FRMD5: variants seen among roughly 807,000 people sequenced by gnomAD.
FRMD5 encodes FERM domain-containing protein 5.
Under a neutral mutation model 69.0 loss-of-function variants are expected in FRMD5, and 20 were observed. The observed-to-expected ratio is 0.29, with a 90% CI of 0.20 to 0.42. The LOEUF (loss-of-function observed/expected upper bound fraction) is 0.42. FRMD5 is among the 10% of genes least tolerant of loss of function. The pLI, the probability that FRMD5 is intolerant of heterozygous loss-of-function variation, is 1.00. For missense variants in FRMD5, 595 were observed against 708.6 expected (o/e 0.84, Z 1.82); for synonymous variants, 271 against 260.1 (o/e 1.04, Z -0.40).
chr15:44,062,167 T>C (rs1039875969), intron 1 of FRMD5, among the ~76,000 whole-genome samples: 1 of 152,234 alleles, frequency 6.6e-6, no homozygotes, highest in Non-Finnish European at 1.5e-5. Context: ...TATTTTCTTG[T>C]GTGGTGATGC....
chr15:43,913,780 A>C (rs2089332606), intron 4 of FRMD5, among the ~76,000 whole-genome samples: 1 of 152,206 alleles, frequency 6.6e-6, no homozygotes, highest in African/African-American at 2.4e-5. Flanking sequence ...TATCTGAGGT[A>C]ACACAGCAAT....
intron 1 of FRMD5, among the ~76,000 whole-genome samples, chr15:44,098,461 G>A (rs1460673931): frequency 6.7e-6 from 1 of 150,350 alleles, no homozygotes; most frequent in African/African-American, 2.5e-5. Flanking sequence ...GGAGGCAGAG[G>A]TTGCAGTGAG....
intron 1 of FRMD5, among the ~76,000 whole-genome samples, chr15:44,127,096 C>G (rs1273191790): frequency 1.3e-5 from 2 of 152,144 alleles, no homozygotes; most frequent in African/African-American, 4.8e-5. Flanking sequence ...AATAAACGTT[C>G]TTTTGAAATG....
At chr15:44,014,596 G>T (rs1406254513) in intron 1 of FRMD5, among the ~76,000 whole-genome samples, 1 of 152,158 alleles carries the variant, frequency 6.6e-6, no homozygotes, top group Non-Finnish European at 1.5e-5. Context: ...AATTAGCCGG[G>T]TGTGGTGGCA....
At chr15:44,113,238 A>G (rs1297244295) in intron 1 of FRMD5, among the ~76,000 whole-genome samples, 1 of 152,228 alleles carries the variant, frequency 6.6e-6, no homozygotes, top group Non-Finnish European at 1.5e-5. Context: ...ATTTCAAAAG[A>G]AACAATCTGC....
intron 1 of FRMD5, among the ~76,000 whole-genome samples, chr15:44,170,199 C>T (rs2077776298): frequency 6.6e-6 from 1 of 152,028 alleles, no homozygotes. Flanking sequence ...TACAGGAGAA[C>T]ACCATCAAGC....
Position 44,089,559 on chromosome 15 carries a change from C to T in FRMD5, c.102+105394G>A, listed in dbSNP as rs575614524. ...CTCTACAAAAAATACAAAAATTGGC[C>T]GGGCATGGTGGCATGCACCTGTAGT... On this transcript the variant is annotated intron_variant, in intron 1 of 13. Transcript: ENST00000417257. 5.3e-5 allele frequency among the ~76,000 whole-genome samples: 8 copies of T among 151,976 alleles called. No homozygotes were observed. In the East Asian group the frequency reaches 5.8e-4, roughly 11 times the overall value.
chr15:43,974,415 T>G (rs920646219), intron 1 of FRMD5, among the ~76,000 whole-genome samples: 1 of 152,200 alleles, frequency 6.6e-6, no homozygotes, highest in African/African-American at 2.4e-5. Flanking sequence ...CTCATTTAAT[T>G]CTCTACTTAT....
At chr15:44,124,427 C>T (rs909094513) in intron 1 of FRMD5, among the ~76,000 whole-genome samples, 1 of 151,846 alleles carries the variant, frequency 6.6e-6, no homozygotes, top group African/African-American at 2.4e-5. Context: ...TTCTTGTGGG[C>T]GATGGCTCAC....
intron 1 of FRMD5, among the ~76,000 whole-genome samples, chr15:44,005,803 C>T (rs977962490): frequency 2.0e-5 from 3 of 152,198 alleles, no homozygotes; most frequent in African/African-American, 7.2e-5. Flanking sequence ...CCAATCACTT[C>T]CCACCAGGCC....
intron 1 of FRMD5, among the ~76,000 whole-genome samples, chr15:44,111,352 T>C (rs2076792851): frequency 6.6e-6 from 1 of 152,186 alleles, no homozygotes; most frequent in Non-Finnish European, 1.5e-5. Flanking sequence ...GTTTTGGTAA[T>C]TAAAAAACTT....
intron 1 of FRMD5, among the ~76,000 whole-genome samples, chr15:43,996,715 ATTTTTTTTT>A (rs11397296): frequency 4.7e-5 from 4 of 86,020 alleles, no homozygotes; most frequent in African/African-American, 1.0e-4. Context: ...TCCTCAGCTG[ATTTTTTTTT>A]TTTTTTTTTT....
chr15:43,915,264 A>G (rs974111552), intron 4 of FRMD5, among the ~76,000 whole-genome samples: 3 of 152,214 alleles, frequency 2.0e-5, no homozygotes, highest in Non-Finnish European at 4.4e-5. Flanking sequence ...CTGCTTTCAC[A>G]CTACAATGAC....
intron 1 of FRMD5, among the ~76,000 whole-genome samples, chr15:44,158,178 A>T (rs1207417297): frequency 6.6e-6 from 1 of 152,196 alleles, no homozygotes; most frequent in African/African-American, 2.4e-5. Context: ...TGACAAATTC[A>T]GCATCTCACA....
chr15:44,172,684 A>G (rs1042352259), intron 1 of FRMD5, among the ~76,000 whole-genome samples: 2 of 152,226 alleles, frequency 1.3e-5, no homozygotes, highest in African/African-American at 2.4e-5. Context: ...TACTTGATGC[A>G]GATGTGCTTG....
intron 1 of FRMD5, among the ~76,000 whole-genome samples, chr15:43,971,164 C>T (rs993093141): frequency 2.1e-4 from 32 of 151,882 alleles, no homozygotes; most frequent in African/African-American, 4.8e-4. Context: ...CACTTGAACC[C>T]GGGAGGTGGA....
intron 1 of FRMD5, among the ~76,000 whole-genome samples, chr15:44,046,511 T>C (rs980223626): frequency 6.6e-6 from 1 of 152,160 alleles, no homozygotes; most frequent in African/African-American, 2.4e-5. Context: ...TCAAGGCAAA[T>C]AGAAAAGTAC....
intron 1 of FRMD5, among the ~76,000 whole-genome samples, chr15:44,155,110 G>A: frequency 6.6e-6 from 1 of 152,212 alleles, no homozygotes; most frequent in African/African-American, 2.4e-5. Context: ...TGTTGGTGAG[G>A]AGACAGTACA....
At chr15:44,040,524 G>GA (rs1259876434) in intron 1 of FRMD5, among the ~76,000 whole-genome samples, 1 of 152,000 alleles carries the variant, frequency 6.6e-6, no homozygotes, top group Non-Finnish European at 1.5e-5. Flanking sequence ...TGTTCTTAAA[G>GA]AAAAAAATTT....
Sources: gnomAD v4.1 joint callset for allele counts (sites outside exome capture counted in the v4.1 genomes callset) on GRCh38, gnomAD v4.1.1 for gene constraint, MANE v1.5 for transcripts, NCBI Gene and HGNC (gene_info 2026-07-23, HGNC 2026-07-21) for gene names.